Variants in WDHD1 observed in about 807,000 individuals in gnomAD.
The protein encoded by WDHD1 is WD repeat and HMG-box DNA-binding protein 1.
In WDHD1, 111 loss-of-function variants were observed where a neutral mutation model predicts 135.4. That is an observed-to-expected ratio of 0.82 (90% CI 0.70 to 0.96). The LOEUF (loss-of-function observed/expected upper bound fraction) is 0.96, where lower values mean the gene tolerates loss of function less well. Among genes scored for constraint, WDHD1 ranks in the 40% least tolerant of loss-of-function variants. WDHD1 has a pLI of 0.00. For synonymous variants in WDHD1, 434 were observed against 439.0 expected (o/e 0.99, Z 0.14); for missense variants, 1,351 against 1,336.3 (o/e 1.01, Z -0.17).
chr14:54,946,478 A>G (rs1187845805), intron 24 of WDHD1, among the ~76,000 whole-genome samples: 1 of 152,216 alleles, frequency 6.6e-6, no homozygotes, highest in Non-Finnish European at 1.5e-5. Flanking sequence ...AAATTAAATT[A>G]TCAATCTTCT....
At chr14:55,026,112 G>A (rs934273598) in intron 2 of WDHD1, among the ~76,000 whole-genome samples, 1 of 152,138 alleles carries the variant, frequency 6.6e-6, no homozygotes, top group Non-Finnish European at 1.5e-5. Flanking sequence ...TGTCTGGTTC[G>A]CTCTATTCTA....
chr14:54,955,244 C>G (rs1595063031), intron 24 of WDHD1, among the ~76,000 whole-genome samples: 1 of 152,094 alleles, frequency 6.6e-6, no homozygotes, highest in Non-Finnish European at 1.5e-5. Flanking sequence ...TATTATCACT[C>G]TTCTTTTTGT....
chr14:55,000,269 G>A (rs187940695), intron 10 of WDHD1, among the ~76,000 whole-genome samples: 150 of 152,142 alleles, frequency 9.9e-4, no homozygotes, highest in Admixed American at 9.2e-3. Context: ...TTTAATGAAA[G>A]GTATTCCTTG....
chr14:54,974,598 G>A (rs1230186000), intron 16 of WDHD1, among the ~76,000 whole-genome samples: 6 of 151,572 alleles, frequency 4.0e-5, no homozygotes, highest in African/African-American at 1.2e-4. Context: ...AGCCAAGGCC[G>A]GCAGATCACC....
intron 3 of WDHD1, among the ~76,000 whole-genome samples, chr14:55,012,853 C>T (rs2140226141): frequency 6.6e-6 from 1 of 152,232 alleles, no homozygotes; most frequent in East Asian, 1.9e-4. Flanking sequence ...TCTCAGTAGA[C>T]CCCACCTCCC....
chr14:54,996,791 T>A (rs114136655), intron 10 of WDHD1, among the ~76,000 whole-genome samples: 2,919 of 152,240 alleles, frequency 0.019, 72 homozygotes, highest in African/African-American at 0.058. Context: ...CTTTTTATTT[T>A]CATTTATTTA....
At position 54,994,459 on chromosome 14, in the gene WDHD1, T is replaced by C. The variant is rs182591376; in HGVS notation, c.1153+1144A>G. ...GAGTAAAAAGAAACAGCCATAATCT[T>C]AATAATATAGTGCATTTAAAATACA... is the stretch of plus-strand genomic sequence containing the variant. On this transcript the variant is annotated intron_variant, in intron 11 of 25. Transcript: ENST00000360586. 9.2e-5 allele frequency among the ~76,000 whole-genome samples: 14 copies of C among 152,326 alleles called. No homozygotes were observed. The East Asian group carries it at 2.7e-3, about 29-fold the overall frequency.
intron 18 of WDHD1, among the ~76,000 whole-genome samples, chr14:54,965,854 G>A (rs1482312755): frequency 6.6e-6 from 1 of 151,846 alleles, no homozygotes; most frequent in African/African-American, 2.4e-5. Context: ...TACTCGGAAG[G>A]TTGAGGCAGG....
Position 54,941,230 on chromosome 14 carries a change from G to A in WDHD1, c.*260C>T, listed in dbSNP as rs1442445541. ...TTAAGAAACAAATTCAAATTGGTTGGAGCTTCAACTCAGTAATTACAATCA... is the reference window on the plus strand; with the variant it reads ...TTAAGAAACAAATTCAAATTGGTTGAAGCTTCAACTCAGTAATTACAATCA... On this transcript the variant is annotated 3_prime_UTR_variant, in exon 26 of 26. Coordinates refer to ENST00000360586, the MANE Select transcript of WDHD1 (RefSeq NM_007086.4). 7.0e-6 allele frequency: 2 copies of A among 285,416 alleles called. No individual in the cohort carries two copies. 17.7% of individuals were successfully genotyped at this position (285,416 alleles called of 1,614,324 possible).
At chr14:55,013,992 G>A (rs901209773) in intron 2 of WDHD1, among the ~76,000 whole-genome samples, 1 of 152,056 alleles carries the variant, frequency 6.6e-6, no homozygotes, top group Non-Finnish European at 1.5e-5. Context: ...ACAAAATGAA[G>A]ACATTAGCCA....
At chr14:54,966,341 A>C (rs2041343558) in intron 18 of WDHD1, 134 bp downstream of exon 18, 2 of 1,053,760 alleles carry the variant, frequency 1.9e-6, no homozygotes, top group East Asian at 3.2e-5. Flanking sequence ...TCGCACAAAA[A>C]ACAACAACAA....
intron 2 of WDHD1, among the ~76,000 whole-genome samples, chr14:55,019,190 A>T (rs1309688457): frequency 6.6e-6 from 1 of 152,256 alleles, no homozygotes; most frequent in East Asian, 1.9e-4. Context: ...TGGGACAGAC[A>T]GGCTAAGAAA....
chr14:54,983,008 TACA>T (rs1566725491), intron 15 of WDHD1, among the ~76,000 whole-genome samples: 1 of 151,784 alleles, frequency 6.6e-6, no homozygotes, highest in Non-Finnish European at 1.5e-5. Flanking sequence ...CTACTAAAAA[TACA>T]ACATTAGCCA....
In WDHD1 at chr14:54,949,905, T is replaced by C. The variant is rs543509060; in HGVS notation, c.3051-5435A>G. On this transcript the variant is annotated intron_variant, in intron 24 of 25. Transcript: ENST00000360586. The stretch of plus-strand genomic sequence containing the variant: ...ATCCAGCCAAACTAAGCTTCATAAG[T>C]GAAGGAGAAATAAAATCCTTTACAG... Among the ~76,000 whole-genome samples, 806 of 152,162 alleles carry C rather than the reference T, an allele frequency of 5.3e-3. 10 individuals carry two copies. Among genetic ancestry groups the C allele is most frequent in the African/African-American group, 0.018 (763 of 41,504 alleles).
chr14:54,988,087 C>T (rs1383527238), intron 13 of WDHD1, among the ~76,000 whole-genome samples: 1 of 152,068 alleles, frequency 6.6e-6, no homozygotes, highest in Non-Finnish European at 1.5e-5. Flanking sequence ...CATTCTGCAC[C>T]CATTGCTTTC....
intron 16 of WDHD1, among the ~76,000 whole-genome samples, chr14:54,974,415 AG>A (rs2041488995): frequency 6.6e-6 from 1 of 151,502 alleles, no homozygotes; most frequent in Non-Finnish European, 1.5e-5. Context: ...TCTGGGCAAC[AG>A]AGAGAGATTC....
intron 2 of WDHD1, among the ~76,000 whole-genome samples, chr14:55,023,110 G>A (rs986184471): frequency 5.9e-5 from 9 of 152,054 alleles, no homozygotes; most frequent in African/African-American, 1.4e-4. Context: ...CATCACACCC[G>A]GCCATCTTGA....
At chr14:54,967,478 T>A in intron 16 of WDHD1, 84 bp from the exon 17 acceptor site, 1 of 835,510 alleles carries the variant, frequency 1.2e-6, no homozygotes. Context: ...CAAAAGTTAG[T>A]AACTTAGAAT....
In WDHD1 at chr14:54,957,046, C is replaced by T. The variant is rs148203261; in HGVS notation, c.2904G>A (p.Pro968=). The T allele has an allele frequency of 6.3e-5, 101 of 1,613,576 alleles. No homozygotes were observed. Among genetic ancestry groups the T allele is most frequent in the African/African-American group, 4.8e-4 (36 of 75,018 alleles). ...SPIIKPLIPK[P]KPKQASAASY... is the part of the protein sequence containing the mutation. ...GCTGAAACAGTACCTGCTTAGGCTTCGGCTTTGGAATCAGAGGCTTTATAA... is the reference window on the plus strand; with the variant it reads ...GCTGAAACAGTACCTGCTTAGGCTTTGGCTTTGGAATCAGAGGCTTTATAA... Residue 968 remains proline, a synonymous_variant, in exon 23 of 26, where the codon CCG becomes CCA. Coordinates refer to ENST00000360586, the MANE Select transcript of WDHD1 (RefSeq NM_007086.4).
Sources: allele counts gnomAD v4.1 joint callset (sites outside exome capture counted in the v4.1 genomes callset), GRCh38; gene constraint gnomAD v4.1.1; transcripts MANE v1.5; gene names NCBI Gene and HGNC (gene_info 2026-07-23, HGNC 2026-07-21).